The following JAKMIP3 variants were observed in gnomAD, a reference collection of about 807,000 sequenced individuals.
The protein encoded by JAKMIP3 is Janus kinase and microtubule interacting protein 3, also known as janus kinase and microtubule-interacting protein 3.
JAKMIP3 carries 58 observed loss-of-function variants against 118.5 expected under a neutral mutation model. That is an observed-to-expected ratio of 0.49 (90% CI 0.40 to 0.61). The LOEUF is 0.61. JAKMIP3 is among the 20% of genes least tolerant of loss of function. JAKMIP3 has a pLI of 0.00. For synonymous variants in JAKMIP3, 486 were observed against 451.2 expected (o/e 1.08, Z -0.98); for missense variants, 950 against 1,109.0 (o/e 0.86, Z 2.04).
chr10:132,149,006 G>T (rs1308562236), intron 14 of JAKMIP3, among the ~76,000 whole-genome samples: 3 of 152,180 alleles, frequency 2.0e-5, no homozygotes, highest in Non-Finnish European at 2.9e-5. Flanking sequence ...TGCCTGTGGG[G>T]ACAGTGGCAG....
intron 3 of JAKMIP3, among the ~76,000 whole-genome samples, chr10:132,128,806 A>C (rs956750547): frequency 9.9e-5 from 15 of 152,224 alleles, no homozygotes; most frequent in Admixed American, 6.5e-5. Flanking sequence ...TCTATTAGAA[A>C]AATATAAAGT....
chr10:132,076,659 G>GC (rs1421706553), intron 1 of JAKMIP3, among the ~76,000 whole-genome samples: 2 of 151,740 alleles, frequency 1.3e-5, no homozygotes, highest in Admixed American at 1.3e-4. Context: ...GCCTGTGGTG[G>GC]CCCCGGGTCT....
At chr10:132,105,765 C>T (rs749248712) in intron 2 of JAKMIP3, among the ~76,000 whole-genome samples, 1 of 152,140 alleles carries the variant, frequency 6.6e-6, no homozygotes, top group Non-Finnish European at 1.5e-5. Flanking sequence ...GGGCTGGGAA[C>T]GAAGGCAGGT....
intron 19 of JAKMIP3, among the ~76,000 whole-genome samples, chr10:132,155,253 G>A (rs1404486994): frequency 1.3e-5 from 2 of 151,918 alleles, no homozygotes; most frequent in Non-Finnish European, 2.9e-5. Context: ...GATGAGGATG[G>A]TAATGATAGT....
At chr10:132,127,224 C>CTT (rs11354978) in intron 3 of JAKMIP3, among the ~76,000 whole-genome samples, 4 of 129,018 alleles carry the variant, frequency 3.1e-5, no homozygotes, top group Non-Finnish European at 5.1e-5. Flanking sequence ...TTAGACTTTT[C>CTT]TTTTTTTTTT....
In JAKMIP3 at chr10:132,153,838, C is replaced by A; in HGVS notation, c.2142+11C>A. Reference sequence around the variant, plus strand: ...CTGGAGAGCGAGAAGGTTGGTGGCACCTTCACCGAGGTTCTGCGGCTCGGT... The same window carrying A: ...CTGGAGAGCGAGAAGGTTGGTGGCAACTTCACCGAGGTTCTGCGGCTCGGT... On this transcript the variant is annotated intron_variant, in intron 18 of 23. Transcript: ENST00000684848. 6.2e-7 allele frequency: 1 copy of A among 1,613,074 alleles called. No homozygotes were observed. The highest frequency in any genetic ancestry group is 8.5e-7 in the Non-Finnish European group (1 of 1,179,760).
chr10:132,072,015 G>A (rs191241332), intron 1 of JAKMIP3, among the ~76,000 whole-genome samples: 2 of 150,512 alleles, frequency 1.3e-5, no homozygotes, highest in South Asian at 2.1e-4. Context: ...GCAATGGCAC[G>A]ATCTCGGCTC....
intron 13 of JAKMIP3, among the ~76,000 whole-genome samples, chr10:132,146,638 G>A (rs1162416592): frequency 2.0e-5 from 3 of 152,204 alleles, no homozygotes; most frequent in East Asian, 1.9e-4. Flanking sequence ...GGGTAGCCTG[G>A]CTGATGAGTC....
At chr10:132,135,212 G>A in intron 5 of JAKMIP3, 52 bp downstream of exon 5, 1 of 1,527,532 alleles carries the variant, frequency 6.5e-7, no homozygotes, top group Non-Finnish European at 8.9e-7. Context: ...CTGCGGAGCT[G>A]GGGACCTGGG....
chr10:132,153,517 C>A (rs576459468), intron 17 of JAKMIP3, among the ~76,000 whole-genome samples: 1 of 152,098 alleles, frequency 6.6e-6, no homozygotes, highest in Non-Finnish European at 1.5e-5. Flanking sequence ...GTGCCCCAAG[C>A]TAGTGTCCCT....
At chr10:132,093,641 C>T (rs1400484255) in intron 1 of JAKMIP3, among the ~76,000 whole-genome samples, 1 of 152,208 alleles carries the variant, frequency 6.6e-6, no homozygotes, top group Non-Finnish European at 1.5e-5. Flanking sequence ...TCCATCACCG[C>T]TTCCCTTGGC....
In JAKMIP3 at chr10:132,139,320, A is replaced by G. The variant is rs1328514198; in HGVS notation, c.1345-1131A>G. 5.2e-4 allele frequency among the ~76,000 whole-genome samples: 30 copies of G among 57,244 alleles called. 1 individual carries two copies. The highest frequency in any genetic ancestry group is 0.01 in the Middle Eastern group (1 of 98). The allele number at this position is 57,244 out of a possible 152,430, so 37.6% of individuals were successfully genotyped here. A position where few individuals can be genotyped will look rare whatever the true frequency, so the allele number is the denominator to read the frequency against. On this transcript the variant is annotated intron_variant, in intron 9 of 23. Coordinates refer to ENST00000684848, the MANE Select transcript of JAKMIP3 (RefSeq NM_001323087.2). Reference sequence around the variant, plus strand: ...TGTATGTGTGTGAGTGTGTATGTGTATGTGTGTGTGTTTGTATGTGTGTAC... The same window carrying G: ...TGTATGTGTGTGAGTGTGTATGTGTGTGTGTGTGTGTTTGTATGTGTGTAC...
chr10:132,180,569 G>A (rs1441004036), intron 23 of JAKMIP3, among the ~76,000 whole-genome samples: 2 of 31,052 alleles, frequency 6.4e-5, no homozygotes, highest in South Asian at 1.6e-3. Context: ...GTGTGTGTGC[G>A]TGTGTGTGTG....
intron 15 of JAKMIP3, 44 bp downstream of exon 15, chr10:132,149,554 T>TCCCCCACCCCACCCCCTCTCCG: frequency 7.5e-6 from 4 of 530,844 alleles, no homozygotes; most frequent in Non-Finnish European, 5.1e-6. Context: ...ACCTCACCCA[T>TCCCCCACCCCACCCCCTCTCCG]CCCCCGCCCC....
upstream of JAKMIP3, among the ~76,000 whole-genome samples, chr10:132,062,412 C>T (rs987189965): frequency 1.3e-5 from 2 of 152,246 alleles, no homozygotes; most frequent in African/African-American, 2.4e-5. Context: ...CAGGGGTGCT[C>T]GTGGCAGCAC....
At chr10:132,167,157 C>A in intron 22 of JAKMIP3, 102 bp downstream of exon 22, 1 of 811,506 alleles carries the variant, frequency 1.2e-6, no homozygotes, top group Non-Finnish European at 2.0e-6. Flanking sequence ...GCCATTCGAT[C>A]AACTGGAAGG....
chr10:132,134,897 G>A (rs999096363), intron 4 of JAKMIP3, 144 bp from the exon 5 acceptor site: 11 of 1,027,918 alleles, frequency 1.1e-5, no homozygotes, highest in Non-Finnish European at 1.5e-5. Flanking sequence ...TTCCCCGGGG[G>A]GCTCCGAACC....
intron 1 of JAKMIP3, among the ~76,000 whole-genome samples, chr10:132,053,611 C>T (rs541091701): frequency 1.3e-5 from 2 of 152,330 alleles, no homozygotes; most frequent in South Asian, 2.1e-4. Context: ...CAGACCCCAA[C>T]CAACCCTAAC....
intron 1 of JAKMIP3, among the ~76,000 whole-genome samples, chr10:132,058,175 C>T (rs2038296146): frequency 6.6e-6 from 1 of 152,180 alleles, no homozygotes; most frequent in South Asian, 2.1e-4. Context: ...CCTTGGGGCC[C>T]AATTTATTCC....
Sources: gnomAD v4.1 joint callset for allele counts (sites outside exome capture counted in the v4.1 genomes callset) on GRCh38, gnomAD v4.1.1 for gene constraint, MANE v1.5 for transcripts, NCBI Gene and HGNC (gene_info 2026-07-23, HGNC 2026-07-21) for gene names.